Variants in ABCA8 observed in about 807,000 individuals in gnomAD.
The protein encoded by ABCA8 is ATP binding cassette subfamily A member 8.
In ABCA8, 177 loss-of-function variants were observed where a neutral mutation model predicts 192.3. That is an observed-to-expected ratio of 0.92 (90% CI 0.81 to 1.04). ABCA8 has a LOEUF of 1.04. Among genes scored for constraint, ABCA8 ranks in the 50% least tolerant of loss-of-function variants. The pLI, the probability that ABCA8 is intolerant of heterozygous loss-of-function variation, is 0.00. For missense variants in ABCA8, 1,915 were observed against 1,904.8 expected (o/e 1.01, Z -0.10); for synonymous variants, 642 against 690.2 (o/e 0.93, Z 1.09).
At chr17:68,903,549 T>C in intron 19 of ABCA8, 50 bp from the exon 20 acceptor site, 1 of 1,569,018 alleles carries the variant, frequency 6.4e-7, no homozygotes, top group Non-Finnish European at 8.8e-7. Context: ...GAGCTTACTA[T>C]AGAGATTGGC....
chr17:68,904,291 AAATAATAATAATAATAAT>A lies in ABCA8; in HGVS notation c.2399-810_2399-793del, dbSNP rs71144635. On this transcript the variant is annotated intron_variant, in intron 19 of 39. Coordinates refer to ENST00000586539, the MANE Select transcript of ABCA8 (RefSeq NM_001288985.2). Reference sequence around the variant, plus strand: ...AGCGAGACTCCATCTCAAAAAAAAGAAATAATAATAATAATAATAATAATAATAATAATAATAATAATA... The same window carrying A: ...AGCGAGACTCCATCTCAAAAAAAAGAAATAATAATAATAATAATAATAATA... Among the ~76,000 whole-genome samples, 1,005 of 144,318 alleles carry A rather than the reference AAATAATAATAATAATAAT, an allele frequency of 7.0e-3. 22 individuals carry two copies. Among genetic ancestry groups the A allele is most frequent in the African/African-American group, 0.024 (914 of 38,872 alleles). The allele number at this position is 144,318 out of a possible 152,430, so 94.7% of individuals were successfully genotyped here. A position where few individuals can be genotyped will look rare whatever the true frequency, so the allele number is the denominator to read the frequency against.
At chr17:68,869,632 A>T in intron 38 of ABCA8, 68 bp downstream of exon 38, 1 of 1,102,646 alleles carries the variant, frequency 9.1e-7, no homozygotes, top group South Asian at 1.3e-5. Context: ...TTTTGTCATA[A>T]AGGTGATTAT....
chr17:68,928,113 T>G (rs781603845), intron 9 of ABCA8, 50 bp from the exon 10 acceptor site: 1 of 1,440,742 alleles, frequency 6.9e-7, no homozygotes, highest in Non-Finnish European at 9.5e-7. Flanking sequence ...TAAGATACAT[T>G]TTAAACAGTT....
rs765279394 is a variant in ABCA8 at position 68,881,862 on chromosome 17, C to A, written c.3946+1G>T. ...AGAAGTGGAAGATCCCTATGGCCAA[C>A]CTTTTCTAACACAGAAGGAGACATT... On this transcript the variant is annotated splice_donor_variant, in intron 31 of 39. Transcript: ENST00000586539. LOFTEE classifies it high-confidence loss of function. 2 of 1,612,776 alleles carry A rather than the reference C, an allele frequency of 1.2e-6. No homozygotes were observed. The highest frequency in any genetic ancestry group is 4.5e-5 in the East Asian group (2 of 44,870).
At position 68,885,847 on chromosome 17, in the gene ABCA8, C is replaced by T. The variant is rs117352730; in HGVS notation, c.3430-532G>A. ...TTACAGGTATAAGACACACCCAGCACCCATAGATATAATATTTTAATTACA... is the reference window on the plus strand; with the variant it reads ...TTACAGGTATAAGACACACCCAGCATCCATAGATATAATATTTTAATTACA... On this transcript the variant is annotated intron_variant, in intron 26 of 39. Coordinates refer to ENST00000586539, the MANE Select transcript of ABCA8 (RefSeq NM_001288985.2). Among the ~76,000 whole-genome samples the T allele has an allele frequency of 3.4e-4, 51 of 151,728 alleles. No individual in the cohort carries two copies. In the East Asian group the frequency reaches 8.3e-3, roughly 25 times the overall value.
At chr17:68,953,533 A>C (rs1598306439) in intron 1 of ABCA8, among the ~76,000 whole-genome samples, 1 of 152,186 alleles carries the variant, frequency 6.6e-6, no homozygotes, top group Admixed American at 6.5e-5. Flanking sequence ...TGCTAGAAGA[A>C]GAACCTACAC....
intron 17 of ABCA8, 134 bp from the exon 18 acceptor site, chr17:68,908,013 C>T: frequency 1.2e-6 from 1 of 846,346 alleles, no homozygotes; most frequent in Non-Finnish European, 1.6e-6. Flanking sequence ...CAGACAAACA[C>T]AAAATAAGAG....
chr17:68,881,717 ATG>A, intron 31 of ABCA8, 144 bp downstream of exon 31: 1 of 668,368 alleles, frequency 1.5e-6, no homozygotes, highest in Non-Finnish European at 2.7e-6. Flanking sequence ...TAAGTTAGAA[ATG>A]AAACATACAA....
At chr17:68,869,392 T>G (rs148796742) in intron 38 of ABCA8, among the ~76,000 whole-genome samples, 358 of 152,266 alleles carry the variant, frequency 2.4e-3, no homozygotes, top group African/African-American at 8.3e-3. Flanking sequence ...GCATAGATGT[T>G]TCAAAAGAAA....
rs768328938 is a variant in ABCA8, at chr17:68,877,520, G to T, written c.4198C>A (p.Arg1400=). The change falls in exon 33 of 40, where the codon CGG becomes AGG. Residue 1400 remains arginine (R), a splice_region_variant and synonymous_variant. Coordinates refer to ENST00000586539, the MANE Select transcript of ABCA8 (RefSeq NM_001288985.2). ...RKGDAEVAIT[R]LVDALKLQDQ... is the part of the protein sequence containing the mutation. ...AACAGATGTGGCTCCTCTGTGTACC[G>T]TGTGATGGCAACCTCAGCATCCCCT... 1.2e-6 allele frequency: 2 copies of T among 1,612,412 alleles called. No individual in the cohort carries two copies. Among genetic ancestry groups the T allele is most frequent in the Non-Finnish European group, 1.7e-6 (2 of 1,179,120 alleles).
chr17:68,932,888 T>A (rs1054423473), intron 6 of ABCA8, among the ~76,000 whole-genome samples: 2 of 152,228 alleles, frequency 1.3e-5, no homozygotes, highest in African/African-American at 4.8e-5. Flanking sequence ...TTTACTCATT[T>A]ACTTATGAGG....
Position 68,869,725 on chromosome 17 carries a change from G to T in ABCA8, c.4686C>A (p.Ala1562=), listed in dbSNP as rs372553079. The part of the protein sequence containing the change: ...KLPVEDVQPL[A]QAFFKLEKVK... ...CCTTCTCTAATTTGAAGAAAGCTTGGGCTAAAGGTTGCACATCTTCCACTG... is the reference window on the plus strand; with the variant it reads ...CCTTCTCTAATTTGAAGAAAGCTTGTGCTAAAGGTTGCACATCTTCCACTG... The change falls in exon 38 of 40, where the codon GCC becomes GCA. Residue 1562 remains alanine, a synonymous_variant. Coordinates refer to ENST00000586539, the MANE Select transcript of ABCA8 (RefSeq NM_001288985.2). 16 of 1,612,604 alleles carry T rather than the reference G, an allele frequency of 9.9e-6. No homozygotes were observed. In the African/African-American group the frequency reaches 2.1e-4, roughly 22 times the overall value.
At chr17:68,940,630 C>G (rs1055075251) in intron 4 of ABCA8, 128 bp downstream of exon 4, 15 of 792,050 alleles carry the variant, frequency 1.9e-5, no homozygotes, top group Non-Finnish European at 2.8e-5. Flanking sequence ...AGGGAAGACA[C>G]ATTCCCAATT....
chr17:68,951,322 G>A lies in ABCA8; in HGVS notation c.-166-1850C>T, dbSNP rs192269869. 4.2e-4 allele frequency among the ~76,000 whole-genome samples: 64 copies of A among 152,180 alleles called. No homozygotes were observed. In the East Asian group the frequency reaches 0.012, roughly 29 times the overall value. On this transcript the variant is annotated intron_variant, in intron 1 of 39. Coordinates refer to ENST00000586539, the MANE Select transcript of ABCA8 (RefSeq NM_001288985.2). The stretch of plus-strand genomic sequence containing the variant: ...TTTTGATTTCTAACAATTATATTGT[G>A]ACCAAAGAAATGACTTCTCAGTAAG...
chr17:68,902,845 G>T lies in ABCA8; in HGVS notation c.2632C>A (p.Leu878Ile). The T allele has an allele frequency of 6.2e-7, 1 of 1,613,212 alleles. No homozygotes were observed. The highest frequency in any genetic ancestry group is 8.5e-7 in the Non-Finnish European group (1 of 1,179,692). ...LILMAGFCPLLVEYTMVKIYQ... is the reference protein window; with the variant it reads ...LILMAGFCPLIVEYTMVKIYQ... ...ATTTTCACCATGGTATACTCCACAAGAAGAGGGCAAAATCCAGCCATTAGA... is the reference window on the plus strand; with the variant it reads ...ATTTTCACCATGGTATACTCCACAATAAGAGGGCAAAATCCAGCCATTAGA... Residue 878 changes from leucine to isoleucine, a missense_variant, in exon 21 of 40, where the codon CTT becomes ATT. By Grantham distance (5) the Leu-to-Ile change is conservative. Coordinates refer to ENST00000586539, the MANE Select transcript of ABCA8 (RefSeq NM_001288985.2).
intron 37 of ABCA8, among the ~76,000 whole-genome samples, chr17:68,873,558 A>G (rs2066121037): frequency 6.6e-6 from 1 of 152,070 alleles, no homozygotes; most frequent in Admixed American, 6.6e-5. Context: ...GTTTTATATC[A>G]TCCCGCTTGT....
Position 68,871,429 on chromosome 17 carries a change from C to T in ABCA8, c.4632-1650G>A, listed in dbSNP as rs145139044. On this transcript the variant is annotated intron_variant, in intron 37 of 39. Coordinates refer to ENST00000586539, the MANE Select transcript of ABCA8 (RefSeq NM_001288985.2). ...ATGAGTTTTGGAGGGGACACTCAAA[C>T]GATAGCACCATCCTAACAGATGTGA... 6.3e-3 allele frequency among the ~76,000 whole-genome samples: 956 copies of T among 152,250 alleles called. 11 individuals carry two copies. Among genetic ancestry groups the T allele is most frequent in the African/African-American group, 0.021 (885 of 41,548 alleles).
At chr17:68,878,669 C>T (rs1265839675) in intron 32 of ABCA8, 1 of 152,204 alleles carries the variant, frequency 6.6e-6, no homozygotes, top group South Asian at 2.1e-4. Flanking sequence ...ATCTCCTTTC[C>T]TCCCATGCTT....
At chr17:68,896,984 A>G (rs2066780693) in intron 21 of ABCA8, among the ~76,000 whole-genome samples, 1 of 152,226 alleles carries the variant, frequency 6.6e-6, no homozygotes, top group Non-Finnish European at 1.5e-5. Flanking sequence ...GTGGATAAAA[A>G]ACATGAACAG....
Sources: allele counts gnomAD v4.1 joint callset (sites outside exome capture counted in the v4.1 genomes callset), GRCh38; gene constraint gnomAD v4.1.1; transcripts MANE v1.5; gene names NCBI Gene and HGNC (gene_info 2026-07-23, HGNC 2026-07-21).